The following KHNYN variants were observed in gnomAD, a reference collection of about 807,000 sequenced individuals.
KHNYN encodes KH and NYN domain containing.
In KHNYN, 42 loss-of-function variants were observed where a neutral mutation model predicts 62.7. That is an observed-to-expected ratio of 0.67 (90% CI 0.52 to 0.87). KHNYN has a LOEUF of 0.87. KHNYN is among the 40% of genes least tolerant of loss of function. The probability of loss-of-function intolerance (pLI) is 0.00; values close to 1 mark genes in which losing one functional copy is unlikely to be tolerated. For missense variants in KHNYN, 829 were observed against 874.1 expected (o/e 0.95, Z 0.65); for synonymous variants, 347 against 345.6 (o/e 1.00, Z -0.04).
At chr14:24,426,722 A>C (rs1566492345), upstream of KHNYN, 2 of 152,196 alleles carry the variant, frequency 1.3e-5, no homozygotes, top group Non-Finnish European at 2.9e-5. Flanking sequence ...GGACAGCGGG[A>C]TAAGAAAGAG....
chr14:24,425,104 G>A (rs747669975), upstream of KHNYN, among the ~76,000 whole-genome samples: 6 of 152,184 alleles, frequency 3.9e-5, no homozygotes, highest in Non-Finnish European at 7.3e-5. Flanking sequence ...GGGAGGCTGA[G>A]GCATGAGCAT....
chr14:24,424,909 C>T (rs8005307), upstream of KHNYN, among the ~76,000 whole-genome samples: 144,898 of 152,314 alleles, frequency 0.95, 69,008 homozygotes, highest in East Asian at 0.98. Context: ...AGGTAATAAA[C>T]AGTTGTTTTA....
chr14:24,427,716 C>T, upstream of KHNYN: 3 of 1,400,510 alleles, frequency 2.1e-6, no homozygotes, highest in East Asian at 6.8e-5. This position sits in a 1 kb window ranked among gnomAD's most constrained non-coding sequence, Gnocchi z 4.4. Context: ...CCTGCCTCTG[C>T]TGTTTCTGGG....
upstream of KHNYN, chr14:24,429,874 G>T (rs1405438455): frequency 9.9e-6 from 10 of 1,013,658 alleles, no homozygotes; most frequent in Non-Finnish European, 1.2e-5. Context: ...TCTGGGCGCG[G>T]CGGCGGGGTT....
rs751886494 is a variant in KHNYN, at chr14:24,432,021, G to C, written c.760G>C (p.Ala254Pro). 1.9e-6 allele frequency: 3 copies of C among 1,607,746 alleles called. No individual in the cohort carries two copies. Among genetic ancestry groups the C allele is most frequent in the African/African-American group, 1.3e-5 (1 of 74,826 alleles). Reference sequence around the variant, plus strand: ...CAGGGGAGCAAGGGGAGACACTTACGCTGTGGAGAAGGAGGGAGGGAAACA... The same window carrying C: ...CAGGGGAGCAAGGGGAGACACTTACCCTGTGGAGAAGGAGGGAGGGAAACA... ...DCRGARGDTY[A>P]VEKEGGKQGG... Residue 254 changes from alanine (A) to proline (P), a missense_variant, in exon 3 of 8, where the codon GCT (alanine) becomes CCT (proline). Physicochemically the swap from Ala to Pro is conservative, Grantham distance 27 (BLOSUM62 -1). Around this residue, in one of 2 missense-constraint regions of KHNYN, gnomAD observed 559 missense variants for 527.0 expected, o/e 1.06. Coordinates refer to ENST00000553935, the MANE Select transcript of KHNYN (RefSeq NM_015299.3). The surrounding 1 kb of genome is among the most constrained non-coding windows in gnomAD (Gnocchi z 5.6).
chr14:24,425,355 G>C (rs888939233), upstream of KHNYN, among the ~76,000 whole-genome samples: 3 of 152,308 alleles, frequency 2.0e-5, no homozygotes, highest in South Asian at 2.1e-4. Context: ...GTGAGCCCGG[G>C]TGACTAAATT....
At chr14:24,428,843 C>T (rs145699313), upstream of KHNYN, 14 of 1,612,430 alleles carry the variant, frequency 8.7e-6, no homozygotes, top group South Asian at 1.1e-5. Context: ...AAATGCCACT[C>T]GCCCAGGGGG....
At position 24,431,553 on chromosome 14, in the gene KHNYN, T is replaced by A; in HGVS notation, c.292T>A (p.Phe98Ile). The change falls in exon 3 of 8, where the codon TTC (phenylalanine) becomes ATC (isoleucine). Residue 98 changes from phenylalanine (F) to isoleucine (I), a missense_variant. Physicochemically the swap from Phe to Ile is conservative, Grantham distance 21. Coordinates refer to ENST00000553935, the MANE Select transcript of KHNYN (RefSeq NM_015299.3). ...CTGCATCTTTCTGGGAGCCCAGGGC[T>A]TCTTCCTTGACTGCCTGGCCTGGAG... ...LHCIFLGAQG[F>I]FLDCLAWSTS... is the part of the protein sequence containing the mutation. 6.2e-7 allele frequency: 1 copy of A among 1,612,674 alleles called. No individual in the cohort carries two copies. Among genetic ancestry groups the A allele is most frequent in the African/African-American group, 1.3e-5 (1 of 75,040 alleles).
rs2043304172 is a variant in KHNYN, at chr14:24,440,610, G to T, written c.*3325G>T. 1.4e-6 allele frequency: 2 copies of T among 1,389,978 alleles called. No homozygotes were observed. The highest frequency in any genetic ancestry group is 2.1e-5 in the Admixed American group (1 of 47,850). The allele number at this position is 1,389,978 out of a possible 1,614,324, so 86.1% of individuals were successfully genotyped here. A position where few individuals can be genotyped will look rare whatever the true frequency, so the allele number is the denominator to read the frequency against. The stretch of plus-strand genomic sequence containing the variant: ...CCCATGCTGACTTGGCTCTGTAACA[G>T]AAGTGAGCAGTATGGCTGTCTTTAA... On this transcript the variant is annotated 3_prime_UTR_variant, in exon 8 of 8. Coordinates refer to ENST00000553935, the MANE Select transcript of KHNYN (RefSeq NM_015299.3).
chr14:24,431,071 C>A, intron 2 of KHNYN, 140 bp downstream of exon 2: 10 of 747,818 alleles, frequency 1.3e-5, no homozygotes, highest in Non-Finnish European at 2.1e-5. Flanking sequence ...CTGGCAACCT[C>A]AGTGCCCCTG....
chr14:24,437,767 G>C lies in KHNYN; in HGVS notation c.*482G>C, dbSNP rs1229568063. On this transcript the variant is annotated 3_prime_UTR_variant, in exon 8 of 8. Coordinates refer to ENST00000553935, the MANE Select transcript of KHNYN (RefSeq NM_015299.3). The surrounding 1 kb of genome is among the most constrained non-coding windows in gnomAD (Gnocchi z 5.5). ...CACAGTGTTATGTGGACTGGGCCAC[G>C]ATAGGGTGGAGTGAGCTAGTGAAGA... The C allele has an allele frequency of 6.5e-6, 1 of 153,410 alleles. No individual in the cohort carries two copies. Among genetic ancestry groups the C allele is most frequent in the Non-Finnish European group, 1.5e-5 (1 of 68,792 alleles). 9.5% of individuals were successfully genotyped at this position (153,410 alleles called of 1,614,324 possible).
rs1426075690 is a variant in KHNYN at position 24,432,195 on chromosome 14, A to G, written c.934A>G (p.Ile312Val). 1.9e-6 allele frequency: 3 copies of G among 1,580,874 alleles called. No individual in the cohort carries two copies. The South Asian group carries it at 3.5e-5, about 18-fold the overall frequency. The change falls in exon 3 of 8, where the codon ATA (isoleucine) becomes GTA (valine). Residue 312 changes from isoleucine to valine, a missense_variant. Ile to Val is a conservative substitution (Grantham distance 29). Around this residue, in one of 2 missense-constraint regions of KHNYN, gnomAD observed 559 missense variants for 527.0 expected, o/e 1.06. Coordinates refer to ENST00000553935, the MANE Select transcript of KHNYN (RefSeq NM_015299.3). The surrounding 1 kb of genome is among the most constrained non-coding windows in gnomAD (Gnocchi z 5.6). Reference protein sequence around the residue: ...LKGKALGKEEIALGGGGFCVH... With the variant: ...LKGKALGKEEVALGGGGFCVH... ...AGGGAAGGCCCTGGGGAAGGAGGAG[A>G]TAGCTCTGGGAGGAGGAGGGTTCTG...
In KHNYN at chr14:24,440,897, A is replaced by C; in HGVS notation, c.*3612A>C. 2 of 1,613,822 alleles carry C rather than the reference A, an allele frequency of 1.2e-6. No homozygotes were observed. The highest frequency in any genetic ancestry group is 2.2e-5 in the East Asian group (1 of 44,876). ...TCCCCTCCTGGGCTGTCTTCATCAT[A>C]CTCCGCAGTCAGACTGGGCTGGTAG... On this transcript the variant is annotated 3_prime_UTR_variant, in exon 8 of 8. Coordinates refer to ENST00000553935, the MANE Select transcript of KHNYN (RefSeq NM_015299.3).
At position 24,436,428 on chromosome 14, in the gene KHNYN, C is replaced by G; in HGVS notation, c.1726C>G (p.Pro576Ala). The G allele has an allele frequency of 6.2e-7, 1 of 1,613,744 alleles. No individual in the cohort carries two copies. The highest frequency in any genetic ancestry group is 1.1e-5 in the South Asian group (1 of 91,042). ...CTTTGTGGGAAACCTCTTCATGGTA[C>G]CTGATGACCCACTGGGGCGAAACGG... is the stretch of plus-strand genomic sequence containing the variant. ...FTFVGNLFMVPDDPLGRNGPT... is the reference protein window; with the variant it reads ...FTFVGNLFMVADDPLGRNGPT... Residue 576 changes from proline (P) to alanine (A), a missense_variant, in exon 7 of 8, where the codon CCT becomes GCT. By Grantham distance (27) the Pro-to-Ala change is conservative (BLOSUM62 -1). Around this residue, in one of 2 missense-constraint regions of KHNYN, gnomAD observed 270 missense variants for 347.1 expected, o/e 0.78. Coordinates refer to ENST00000553935, the MANE Select transcript of KHNYN (RefSeq NM_015299.3).
At position 24,431,985 on chromosome 14, in the gene KHNYN, C is replaced by T. The variant is rs1186693615; in HGVS notation, c.724C>T (p.Pro242Ser). Reference sequence around the variant, plus strand: ...GTCCCTGGACACTGGATCTATGGGACCCGGAGATTGCAGGGGAGCAAGGGG... The same window carrying T: ...GTCCCTGGACACTGGATCTATGGGATCCGGAGATTGCAGGGGAGCAAGGGG... ...RESLDTGSMGPGDCRGARGDT... is the reference protein window; with the variant it reads ...RESLDTGSMGSGDCRGARGDT... Residue 242 changes from proline (P) to serine (S), a missense_variant, in exon 3 of 8, where the codon CCC (proline) becomes TCC (serine). Pro to Ser is a moderately conservative substitution (Grantham distance 74). Transcript: ENST00000553935. The T allele has an allele frequency of 3.7e-6, 6 of 1,611,866 alleles. No individual in the cohort carries two copies. In the Admixed American group the frequency reaches 5.0e-5, roughly 13 times the overall value.
chr14:24,430,242 C>A (rs2043080862), intron 1 of KHNYN, 123 bp downstream of exon 1: 1 of 826,622 alleles, frequency 1.2e-6, no homozygotes, highest in Non-Finnish European at 1.5e-6. Flanking sequence ...GGCCCCTGGG[C>A]CCTGGGCGGT....
At chr14:24,436,837 T>C (rs552694837) in intron 7 of KHNYN, among the ~76,000 whole-genome samples, 199 bp from the exon 8 acceptor site, 1 of 152,224 alleles carries the variant, frequency 6.6e-6, no homozygotes, top group Non-Finnish European at 1.5e-5. Flanking sequence ...AGTGGCAGAG[T>C]TCACCCTGTT....
chr14:24,432,808 T>C lies in KHNYN; in HGVS notation c.1436T>C (p.Val479Ala), dbSNP rs1566499125. 1 of 1,614,228 alleles carries C rather than the reference T, an allele frequency of 6.2e-7. No individual in the cohort carries two copies. Among genetic ancestry groups the C allele is most frequent in the Non-Finnish European group, 8.5e-7 (1 of 1,180,042 alleles). Residue 479 changes from valine to alanine, a missense_variant, in exon 4 of 8, where the codon GTC becomes GCC. Physicochemically the swap from Val to Ala is moderately conservative, Grantham distance 64. Transcript: ENST00000553935. This position sits in a 1 kb window ranked among gnomAD's most constrained non-coding sequence, Gnocchi z 5.6. The part of the protein sequence containing the change: ...FWDRGHRDIT[V>A]FVPQWRFSKD... ...GACCGTGGTCACCGTGACATAACTG[T>C]CTTTGTGCCTCAGTGGCGCTTCAGT...
chr14:24,428,059 C>G, upstream of KHNYN: 1 of 1,498,202 alleles, frequency 6.7e-7, no homozygotes. Context: ...CCAGGAGCTT[C>G]CTCTTGGGAA....
Sources: gnomAD v4.1 joint callset for allele counts (sites outside exome capture counted in the v4.1 genomes callset) on GRCh38, gnomAD v4.1.1 for gene constraint, gnomAD v4.1.1 regional missense constraint, Gnocchi (gnomAD v3.1) non-coding constraint, MANE v1.5 for transcripts, NCBI Gene and HGNC (gene_info 2026-07-23, HGNC 2026-07-21) for gene names.